The following GRIP1 variants were observed in gnomAD, a reference collection of about 807,000 sequenced individuals.
GRIP1 encodes glutamate receptor interacting protein 1.
GRIP1 carries 45 observed loss-of-function variants against 129.9 expected under a neutral mutation model. The ratio of observed to expected loss-of-function variants is 0.35; its 90% CI spans 0.27 to 0.44. GRIP1 has a LOEUF of 0.44. Among genes scored for constraint, GRIP1 ranks in the 20% least tolerant of loss-of-function variants. The pLI is 1.00. For missense variants in GRIP1, 1,196 were observed against 1,396.8 expected, an observed-to-expected ratio of 0.86 and a Z score of 2.29; for synonymous variants, 530 against 520.8, an observed-to-expected ratio of 1.02 and a Z score of -0.24.
At chr12:66,632,704 T>C (rs901186821) in intron 1 of GRIP1, among the ~76,000 whole-genome samples, 1 of 152,174 alleles carries the variant, frequency 6.6e-6, no homozygotes, top group East Asian at 1.9e-4. Flanking sequence ...TAAGAATGTA[T>C]TGAAATACAA....
At chr12:66,581,858 G>T (rs940103438) in intron 2 of GRIP1, among the ~76,000 whole-genome samples, 32 of 151,996 alleles carry the variant, frequency 2.1e-4, no homozygotes, top group Non-Finnish European at 3.5e-4. Context: ...CCTTCTGAAA[G>T]TATTCCAATC....
intron 7 of GRIP1, among the ~76,000 whole-genome samples, chr12:66,496,353 G>A (rs542320450): frequency 9.9e-5 from 15 of 152,230 alleles, no homozygotes; most frequent in Admixed American, 4.6e-4. Flanking sequence ...CCCAGCTTTC[G>A]ATGAGCCAAG....
At chr12:66,597,844 A>G (rs1307870595) in intron 1 of GRIP1, among the ~76,000 whole-genome samples, 1 of 152,120 alleles carries the variant, frequency 6.6e-6, no homozygotes, top group Non-Finnish European at 1.5e-5. Context: ...TTAAAATTGA[A>G]AGGACAATTC....
At chr12:66,721,574 A>AT (rs746870751) in intron 1 of GRIP1, among the ~76,000 whole-genome samples, 6 of 152,110 alleles carry the variant, frequency 3.9e-5, no homozygotes, top group Non-Finnish European at 8.8e-5. Context: ...GGACCCTATG[A>AT]TTTTTTGGAA....
intron 1 of GRIP1, among the ~76,000 whole-genome samples, chr12:66,621,584 C>T (rs2065268657): frequency 6.6e-6 from 1 of 151,904 alleles, no homozygotes; most frequent in Non-Finnish European, 1.5e-5. Context: ...TGTTTGAGTC[C>T]CTGCTTTCAA....
At chr12:66,488,896 A>G (rs755163392) in intron 7 of GRIP1, among the ~76,000 whole-genome samples, 2 of 152,168 alleles carry the variant, frequency 1.3e-5, no homozygotes, top group African/African-American at 4.8e-5. Flanking sequence ...TCCTGGATGC[A>G]TACACCCTAC....
intron 2 of GRIP1, among the ~76,000 whole-genome samples, chr12:66,577,055 C>A (rs1229816696): frequency 6.6e-6 from 1 of 152,142 alleles, no homozygotes; most frequent in African/African-American, 2.4e-5. Flanking sequence ...CTGCTCCATG[C>A]TAAAGACCAT....
intron 7 of GRIP1, among the ~76,000 whole-genome samples, chr12:66,474,898 T>A (rs139414905): frequency 6.6e-6 from 1 of 152,140 alleles, no homozygotes; most frequent in African/African-American, 2.4e-5. Flanking sequence ...AGACTATCGA[T>A]GCTAGGAAGA....
intron 1 of GRIP1, among the ~76,000 whole-genome samples, chr12:66,903,631 A>G (rs909720061): frequency 1.3e-5 from 2 of 152,204 alleles, no homozygotes; most frequent in African/African-American, 2.4e-5. Context: ...ATATCAAGTA[A>G]TCAAAGAAAG....
chr12:66,350,009 A>G lies in GRIP1; in HGVS notation c.3160-763T>C, dbSNP rs1330930822. 2.6e-5 allele frequency among the ~76,000 whole-genome samples: 4 copies of G among 151,840 alleles called. No individual in the cohort carries two copies. The East Asian group carries it at 5.8e-4, about 22-fold the overall frequency. On this transcript the variant is annotated intron_variant, in intron 24 of 24. Transcript: ENST00000359742. ...TGACACATTGCACTGCTGGAAAATGACCCTACTTGTCAAATCCAGGAATGT... is the reference window on the plus strand; with the variant it reads ...TGACACATTGCACTGCTGGAAAATGGCCCTACTTGTCAAATCCAGGAATGT...
intron 23 of GRIP1, among the ~76,000 whole-genome samples, chr12:66,366,324 CT>C (rs1420341003): frequency 6.6e-6 from 1 of 152,198 alleles, no homozygotes; most frequent in African/African-American, 2.4e-5. Context: ...GCAAAAGAAG[CT>C]GGTATTATAC....
chr12:66,707,232 A>G (rs1314369765), intron 1 of GRIP1, among the ~76,000 whole-genome samples: 2 of 151,838 alleles, frequency 1.3e-5, no homozygotes, highest in Non-Finnish European at 2.9e-5. Flanking sequence ...TTCCAAAATT[A>G]GAAGCTTCAA....
At chr12:66,979,752 G>A (rs2042217012) in intron 1 of GRIP1, among the ~76,000 whole-genome samples, 1 of 152,126 alleles carries the variant, frequency 6.6e-6, no homozygotes, top group Non-Finnish European at 1.5e-5. Context: ...AAAGGAAAAT[G>A]ACATACGAAA....
chr12:66,425,561 T>C (rs905463645), intron 14 of GRIP1, among the ~76,000 whole-genome samples: 3 of 152,102 alleles, frequency 2.0e-5, no homozygotes, highest in African/African-American at 7.2e-5. Context: ...AGCAAAGACT[T>C]AGAACCAACC....
At chr12:66,471,027 G>A (rs538518241) in intron 7 of GRIP1, among the ~76,000 whole-genome samples, 9 of 152,242 alleles carry the variant, frequency 5.9e-5, no homozygotes, top group East Asian at 1.9e-4. Flanking sequence ...TCCTCTGATC[G>A]ACTGCCATGA....
chr12:66,699,229 C>T lies in GRIP1; in HGVS notation c.-419-68893G>A, dbSNP rs187009124. Among the ~76,000 whole-genome samples the T allele has an allele frequency of 1.1e-4, 17 of 152,222 alleles. No homozygotes were observed. In the East Asian group the frequency reaches 2.5e-3, roughly 22 times the overall value. On this transcript the variant is annotated intron_variant, in intron 1 of 4. Transcript: ENST00000538373. ...ACAGACATATATAGATAATTAAAAG[C>T]AAAAATGCAGTAAGTTAGTACCTGG...
intron 1 of GRIP1, among the ~76,000 whole-genome samples, chr12:67,030,641 T>A (rs1269372109): frequency 6.6e-6 from 1 of 152,218 alleles, no homozygotes; most frequent in African/African-American, 2.4e-5. Flanking sequence ...TCACCAAACC[T>A]TCTGAGAACA....
At chr12:67,012,360 T>G (rs763097022) in intron 1 of GRIP1, among the ~76,000 whole-genome samples, 1 of 152,172 alleles carries the variant, frequency 6.6e-6, no homozygotes, top group Non-Finnish European at 1.5e-5. Flanking sequence ...GACTGCCTTC[T>G]GAGACAGTGG....
chr12:66,964,005 A>G lies in GRIP1; in HGVS notation c.58+105045T>C, dbSNP rs189133532. On this transcript the variant is annotated intron_variant, in intron 1 of 1. Coordinates refer to the GRIP1 transcript ENST00000643019. The stretch of plus-strand genomic sequence containing the variant: ...AAGCCCTATAGACAATCACATTACA[A>G]GTTCTCTTAGTTCTACCTCCTGAGT... Among the ~76,000 whole-genome samples, 12 of 152,216 alleles carry G rather than the reference A, an allele frequency of 7.9e-5. No homozygotes were observed. The East Asian group carries it at 2.3e-3, about 29-fold the overall frequency.
Sources: gnomAD v4.1 joint callset for allele counts (sites outside exome capture counted in the v4.1 genomes callset) on GRCh38, gnomAD v4.1.1 for gene constraint, MANE v1.5 for transcripts, NCBI Gene and HGNC (gene_info 2026-07-23, HGNC 2026-07-21) for gene names.